The following DAPK1 variants were observed in gnomAD, a reference collection of about 807,000 sequenced individuals.
The protein encoded by DAPK1 is death-associated protein kinase 1.
Under a neutral mutation model 144.9 loss-of-function variants are expected in DAPK1, and 56 were observed. The observed-to-expected ratio is 0.39, with a 90% CI of 0.31 to 0.48. The LOEUF is 0.48. DAPK1 is among the 20% of genes least tolerant of loss of function. The pLI is 0.95. For synonymous variants in DAPK1, 690 were observed against 749.0 expected (o/e 0.92, Z 1.29); for missense variants, 1,454 against 1,875.4 (o/e 0.78, Z 4.15).
At chr9:87,658,787 T>C (rs1176148230) in intron 18 of DAPK1, among the ~76,000 whole-genome samples, 1 of 152,194 alleles carries the variant, frequency 6.6e-6, no homozygotes. Flanking sequence ...TGAAATAATA[T>C]CATTCGAGTG....
chr9:87,685,684 G>C (rs924277442), intron 20 of DAPK1, among the ~76,000 whole-genome samples: 1 of 152,164 alleles, frequency 6.6e-6, no homozygotes, highest in Non-Finnish European at 1.5e-5. Context: ...CCCAGACTCT[G>C]TTATTCAGCT....
At chr9:87,652,827 C>T (rs1830500876) in intron 17 of DAPK1, among the ~76,000 whole-genome samples, 1 of 149,964 alleles carries the variant, frequency 6.7e-6, no homozygotes, top group South Asian at 2.2e-4. Flanking sequence ...TGTGTCCATC[C>T]CCCTGATCCC....
chr9:87,525,352 T>G (rs1587687254), intron 2 of DAPK1: 1 of 1,611,316 alleles, frequency 6.2e-7, no homozygotes, highest in Non-Finnish European at 8.5e-7. Context: ...TCGGCCAGGG[T>G]TCTCGCTCTT....
chr9:87,529,081 A>G (rs1157507552), intron 2 of DAPK1, among the ~76,000 whole-genome samples: 2 of 152,154 alleles, frequency 1.3e-5, no homozygotes, highest in Admixed American at 6.5e-5. Context: ...CAGCCACCCC[A>G]TGGGAAGAAT....
chr9:87,668,302 C>T (rs919857430), intron 18 of DAPK1, among the ~76,000 whole-genome samples: 3 of 152,124 alleles, frequency 2.0e-5, no homozygotes, highest in African/African-American at 7.2e-5. Context: ...AGGAACCAGC[C>T]AGCTGAGGAG....
chr9:87,571,468 C>CACCCCA (rs1564000762), intron 2 of DAPK1, among the ~76,000 whole-genome samples: 40 of 56,882 alleles, frequency 7.0e-4, no homozygotes, highest in Non-Finnish European at 1.1e-3. Context: ...CACACACACA[C>CACCCCA]ACACACCAAC....
chr9:87,596,261 C>T (rs1468838533), intron 2 of DAPK1, among the ~76,000 whole-genome samples: 1 of 152,122 alleles, frequency 6.6e-6, no homozygotes, highest in Non-Finnish European at 1.5e-5. Flanking sequence ...AAGGTGAAGT[C>T]AGTATAGATA....
At chr9:87,634,383 C>T (rs1367550145) in intron 3 of DAPK1, among the ~76,000 whole-genome samples, 1 of 152,192 alleles carries the variant, frequency 6.6e-6, no homozygotes, top group Non-Finnish European at 1.5e-5. Flanking sequence ...CCTTGTTCTC[C>T]AAGGACATCT....
At chr9:87,705,986 G>A (rs960722081) in intron 25 of DAPK1, 146 bp from the exon 26 acceptor site, 9 of 562,174 alleles carry the variant, frequency 1.6e-5, no homozygotes, top group East Asian at 7.9e-5. Context: ...TTTTTGAGAC[G>A]CATCCACGTG....
chr9:87,683,927 T>TG (rs150929737), intron 20 of DAPK1, among the ~76,000 whole-genome samples: 1,574 of 152,274 alleles, frequency 0.01, 33 homozygotes, highest in African/African-American at 0.035. Context: ...CGCCTGCCCC[T>TG]GGTGGAGGAA....
chr9:87,707,041 G>A lies in DAPK1; in HGVS notation c.3970G>A (p.Gly1324Arg), dbSNP rs771132585. The A allele has an allele frequency of 6.2e-7, 1 of 1,613,850 alleles. No individual in the cohort carries two copies. Among genetic ancestry groups the A allele is most frequent in the Non-Finnish European group, 8.5e-7 (1 of 1,179,916 alleles). The stretch of plus-strand genomic sequence containing the variant: ...CCTGCTGGACCCGCCCGACCCCCTG[G>A]GGAAGGACTGGTGCCTTCTCGCCAT... The part of the protein sequence containing the change: ...SRLLDPPDPL[G>R]KDWCLLAMNL... The change falls in exon 26 of 26, where the codon GGG (glycine) becomes AGG (arginine). Residue 1324 changes from glycine to arginine, a missense_variant. Gly to Arg is a moderately radical substitution (Grantham distance 125). This residue lies in a region of DAPK1 where 1,025 missense variants were observed against 1,237.9 expected (regional missense o/e 0.83). Coordinates refer to ENST00000408954, the MANE Select transcript of DAPK1 (RefSeq NM_004938.4). This position sits in a 1 kb window ranked among gnomAD's most constrained non-coding sequence, Gnocchi z 4.0.
At chr9:87,613,423 A>G (rs914593799) in intron 3 of DAPK1, among the ~76,000 whole-genome samples, 2 of 152,216 alleles carry the variant, frequency 1.3e-5, no homozygotes, top group Non-Finnish European at 2.9e-5. Context: ...GCCCATCACA[A>G]ACAACTGCTA....
At position 87,557,580 on chromosome 9, in the gene DAPK1, C is replaced by CAGGAGGG. The variant is rs202160405; in HGVS notation, c.63-47374_63-47373insAGGAGGG. On this transcript the variant is annotated intron_variant, in intron 2 of 25. Transcript: ENST00000408954. Reference sequence around the variant, plus strand: ...TTTTTCTATCTCTTACAGAACCCCCCTCCTGTTAAAACATTACTCATTGAG... The same window carrying CAGGAGGG: ...TTTTTCTATCTCTTACAGAACCCCCCAGGAGGGTCCTGTTAAAACATTACTCATTGAG... Among the ~76,000 whole-genome samples, 1,043 of 152,240 alleles carry CAGGAGGG rather than the reference C, an allele frequency of 6.9e-3. 22 individuals carry two copies. The highest frequency in any genetic ancestry group is 0.024 in the African/African-American group (987 of 41,532).
rs1361350665 is a variant in DAPK1, at chr9:87,525,434, C to T, written c.62+26295C>T. ...CCTCAATATGTGCCGCCAGTGTTTCCGTCAGTACGCGAAGGATATCGGTTT... is the reference window on the plus strand; with the variant it reads ...CCTCAATATGTGCCGCCAGTGTTTCTGTCAGTACGCGAAGGATATCGGTTT... On this transcript the variant is annotated intron_variant, in intron 2 of 25. Transcript: ENST00000408954. 52 of 1,610,040 alleles carry T rather than the reference C, an allele frequency of 3.2e-5. 1 individual carries two copies. Among genetic ancestry groups the T allele is most frequent in the South Asian group, 6.6e-5 (6 of 90,972 alleles).
chr9:87,640,443 G>A lies in DAPK1; in HGVS notation c.775G>A (p.Asp259Asn). The A allele has an allele frequency of 6.2e-7, 1 of 1,613,840 alleles. No individual in the cohort carries two copies. Among genetic ancestry groups the A allele is most frequent in the Non-Finnish European group, 8.5e-7 (1 of 1,179,850 alleles). The change falls in exon 8 of 26, where the codon GAT (aspartate) becomes AAT (asparagine). Residue 259 changes from aspartate (D) to asparagine (N), a missense_variant. Physicochemically the swap from Asp to Asn is conservative, Grantham distance 23. This residue lies in a region of DAPK1 where 429 missense variants were observed against 637.5 expected (regional missense o/e 0.67). Coordinates refer to ENST00000408954, the MANE Select transcript of DAPK1 (RefSeq NM_004938.4). ...TTTCATAAGAAGACTTCTGGTCAAG[G>A]ATCCAAAGTGAGTGTCCACGTTCCT... ...KDFIRRLLVK[D>N]PKKRMTIQDS...
intron 2 of DAPK1, among the ~76,000 whole-genome samples, chr9:87,583,587 T>C (rs987215423): frequency 2.6e-5 from 4 of 152,174 alleles, no homozygotes; most frequent in Non-Finnish European, 4.4e-5. Context: ...CTGTGAGCAG[T>C]GAAAATCTAA....
chr9:87,593,735 T>C (rs1045922412), intron 2 of DAPK1, among the ~76,000 whole-genome samples: 1 of 152,234 alleles, frequency 6.6e-6, no homozygotes, highest in African/African-American at 2.4e-5. Flanking sequence ...TATATGAACC[T>C]CCTGCCTTCT....
intron 2 of DAPK1, among the ~76,000 whole-genome samples, chr9:87,516,624 T>C (rs1825068952): frequency 6.6e-6 from 1 of 152,168 alleles, no homozygotes; most frequent in Non-Finnish European, 1.5e-5. Context: ...AGGCCTCTGG[T>C]TTCTGCCTTT....
chr9:87,639,709 T>A lies in DAPK1; in HGVS notation c.602+11T>A, dbSNP rs748630913. ...TGAGGCAGATATGTGGTAAGGAGTATGTCCTTGGTGTTGTTTGCTTTCTGA... is the reference window on the plus strand; with the variant it reads ...TGAGGCAGATATGTGGTAAGGAGTAAGTCCTTGGTGTTGTTTGCTTTCTGA... On this transcript the variant is annotated intron_variant, in intron 6 of 25. Coordinates refer to ENST00000408954, the MANE Select transcript of DAPK1 (RefSeq NM_004938.4). 4 of 1,613,850 alleles carry A rather than the reference T, an allele frequency of 2.5e-6. No individual in the cohort carries two copies. In the South Asian group the frequency reaches 4.4e-5, roughly 18 times the overall value.
Sources: allele counts gnomAD v4.1 joint callset (sites outside exome capture counted in the v4.1 genomes callset), GRCh38; gene constraint gnomAD v4.1.1; regional missense constraint gnomAD v4.1.1; non-coding constraint Gnocchi (gnomAD v3.1); transcripts MANE v1.5; gene names NCBI Gene and HGNC (gene_info 2026-07-23, HGNC 2026-07-21).